PALM2AKAP2: variants seen among roughly 807,000 people sequenced by gnomAD.
PALM2AKAP2 encodes PALM2 and AKAP2 fusion.
In PALM2AKAP2, 37 loss-of-function variants were observed where a neutral mutation model predicts 71.5. The observed-to-expected ratio is 0.52, with a 90% CI of 0.40 to 0.68. The LOEUF is 0.68. PALM2AKAP2 is among the 30% of genes least tolerant of loss of function. PALM2AKAP2 has a pLI of 0.00. For synonymous variants in PALM2AKAP2, 468 were observed against 478.8 expected (o/e 0.98, Z 0.29); for missense variants, 1,224 against 1,191.8 (o/e 1.03, Z -0.40).
At chr9:110,160,344 A>G (rs1836566279) in intron 3 of PALM2AKAP2, among the ~76,000 whole-genome samples, 2 of 152,190 alleles carry the variant, frequency 1.3e-5, no homozygotes, top group Admixed American at 1.3e-4. Context: ...CTTATGTGGA[A>G]ATGTCCACTT....
At chr9:109,789,834 C>A (rs1827063900) in intron 1 of PALM2AKAP2, among the ~76,000 whole-genome samples, 1 of 152,180 alleles carries the variant, frequency 6.6e-6, no homozygotes, top group Admixed American at 6.5e-5. Context: ...TAATTATTAT[C>A]TCAGTATTTC....
intron 6 of PALM2AKAP2, among the ~76,000 whole-genome samples, chr9:109,996,060 G>A (rs568279950): frequency 1.2e-4 from 18 of 152,306 alleles, no homozygotes; most frequent in African/African-American, 4.1e-4. Context: ...CCTTCCAAGA[G>A]CACAAAGACT....
At chr9:110,031,880 C>T (rs936447344) in intron 7 of PALM2AKAP2, among the ~76,000 whole-genome samples, 6 of 152,022 alleles carry the variant, frequency 3.9e-5, no homozygotes, top group African/African-American at 1.4e-4. Context: ...CTGGAGTTTA[C>T]CTAGTGGGAT....
intron 3 of PALM2AKAP2, among the ~76,000 whole-genome samples, chr9:110,166,106 A>G (rs1038002259): frequency 6.6e-6 from 1 of 152,216 alleles, no homozygotes. Context: ...TTCATAATTT[A>G]TATATCCCTT....
intron 1 of PALM2AKAP2, among the ~76,000 whole-genome samples, chr9:109,724,159 T>G (rs1253017327): frequency 6.6e-6 from 1 of 152,144 alleles, no homozygotes; most frequent in East Asian, 1.9e-4. Context: ...AATAAAAATT[T>G]AAAACACCAA....
At chr9:109,649,107 G>T (rs925049419) in intron 1 of PALM2AKAP2, among the ~76,000 whole-genome samples, 6 of 151,612 alleles carry the variant, frequency 4.0e-5, no homozygotes, top group Middle Eastern at 3.4e-3. Flanking sequence ...AACACTGAAA[G>T]TTTGGTAACT....
At chr9:109,912,117 A>C (rs2131896848) in intron 3 of PALM2AKAP2, among the ~76,000 whole-genome samples, 1 of 152,218 alleles carries the variant, frequency 6.6e-6, no homozygotes, top group South Asian at 2.1e-4. Context: ...TTGGCTGAAG[A>C]CAGGAAGGCA....
chr9:109,783,781 GGTGTCCCC>G (rs1826886680), intron 1 of PALM2AKAP2, among the ~76,000 whole-genome samples: 1 of 152,154 alleles, frequency 6.6e-6, no homozygotes, highest in Non-Finnish European at 1.5e-5. Flanking sequence ...CTGAAAAGTT[GGTGTCCCC>G]AGGTTTCAGC....
At chr9:109,876,439 A>G (rs971652022) in intron 2 of PALM2AKAP2, among the ~76,000 whole-genome samples, 3 of 152,136 alleles carry the variant, frequency 2.0e-5, no homozygotes, top group Admixed American at 2.0e-4. Flanking sequence ...GTGAAACAGG[A>G]TTCTCTGAGA....
At chr9:110,059,758 C>T (rs1833921370) in intron 1 of PALM2AKAP2, among the ~76,000 whole-genome samples, 1 of 152,026 alleles carries the variant, frequency 6.6e-6, no homozygotes, top group African/African-American at 2.4e-5. Flanking sequence ...GTTTTTCCAC[C>T]TTACCATCTG....
intron 1 of PALM2AKAP2, among the ~76,000 whole-genome samples, chr9:109,745,682 A>T (rs949528969): frequency 6.6e-6 from 1 of 152,212 alleles, no homozygotes; most frequent in Non-Finnish European, 1.5e-5. Flanking sequence ...ATTTAGAAAA[A>T]GGTGGCAGAC....
At chr9:109,772,211 C>G (rs1007220472) in intron 1 of PALM2AKAP2, among the ~76,000 whole-genome samples, 3 of 152,202 alleles carry the variant, frequency 2.0e-5, no homozygotes, top group Non-Finnish European at 2.9e-5. Flanking sequence ...GAAACACCTT[C>G]CCTTGTGAAG....
intron 1 of PALM2AKAP2, among the ~76,000 whole-genome samples, chr9:110,129,266 A>G (rs1001032923): frequency 6.6e-6 from 1 of 152,254 alleles, no homozygotes; most frequent in Admixed American, 6.5e-5. Context: ...TTTTAAAGCT[A>G]AATTGTGAGT....
chr9:109,842,397 C>G (rs1187472046), intron 1 of PALM2AKAP2, among the ~76,000 whole-genome samples: 1 of 152,208 alleles, frequency 6.6e-6, no homozygotes, highest in Non-Finnish European at 1.5e-5. Context: ...GTTGGGAGCT[C>G]TATCCTCATT....
chr9:109,640,884 G>A (rs1827055920), intron 1 of PALM2AKAP2: 1 of 1,514,746 alleles, frequency 6.6e-7, no homozygotes, highest in Middle Eastern at 1.8e-4. Context: ...TCCCCGAGCC[G>A]CGCCGCCAGC....
Position 109,867,180 on chromosome 9 carries a change from G to C in PALM2AKAP2, c.46-311G>C, listed in dbSNP as rs1201849584. On this transcript the variant is annotated intron_variant, in intron 1 of 9. Coordinates refer to the PALM2AKAP2 transcript ENST00000302798. ...CATGGTTCTCTGTGTGTGTGTGTGT[G>C]TGTGTGTGTGTGTGTGTGTGTGTGT... 25 of 426,152 alleles carry C rather than the reference G, an allele frequency of 5.9e-5. No homozygotes were observed. The East Asian group carries it at 1.4e-3, about 23-fold the overall frequency. The allele number at this position is 426,152 out of a possible 1,614,324, so 26.4% of individuals were successfully genotyped here.
chr9:109,969,747 C>T (rs1401559274), intron 6 of PALM2AKAP2, among the ~76,000 whole-genome samples: 2 of 152,200 alleles, frequency 1.3e-5, no homozygotes. Flanking sequence ...CATCCAGCTT[C>T]CCTGCTTACA....
chr9:109,965,758 G>A (rs1831933759), intron 6 of PALM2AKAP2, among the ~76,000 whole-genome samples: 1 of 152,106 alleles, frequency 6.6e-6, no homozygotes, highest in Non-Finnish European at 1.5e-5. Flanking sequence ...AAAAATAAAT[G>A]CCTCGTGCAG....
intron 6 of PALM2AKAP2, chr9:109,942,825 T>A: frequency 6.2e-7 from 1 of 1,614,144 alleles, no homozygotes. Context: ...AAGTAGTGTA[T>A]GAGGTGCGCT....
Sources: allele counts gnomAD v4.1 joint callset (sites outside exome capture counted in the v4.1 genomes callset), GRCh38; gene constraint gnomAD v4.1.1; transcripts MANE v1.5; gene names NCBI Gene and HGNC (gene_info 2026-07-23, HGNC 2026-07-21).